GPR176: variants seen among roughly 807,000 people sequenced by gnomAD.
The protein encoded by GPR176 is G protein-coupled receptor 176.
Under a neutral mutation model 35.4 loss-of-function variants are expected in GPR176, and 26 were observed. The observed-to-expected ratio is 0.74, with a 90% CI of 0.54 to 1.02. The LOEUF is 1.02. Among genes scored for constraint, GPR176 ranks in the 50% least tolerant of loss-of-function variants. The pLI is 0.00. For synonymous variants in GPR176, 278 were observed against 271.3 expected, an observed-to-expected ratio of 1.02 and a Z score of -0.24; for missense variants, 597 against 665.3, an observed-to-expected ratio of 0.90 and a Z score of 1.13.
At chr15:39,853,937 T>C (rs1193721150) in intron 1 of GPR176, among the ~76,000 whole-genome samples, 1 of 152,102 alleles carries the variant, frequency 6.6e-6, no homozygotes, top group Admixed American at 6.5e-5. Context: ...ATCATAATTA[T>C]TATTATTATT....
intron 1 of GPR176, chr15:39,862,555 T>C (rs2140829328): frequency 6.6e-6 from 1 of 152,316 alleles, no homozygotes; most frequent in South Asian, 2.1e-4. Flanking sequence ...TTTTGGTCAA[T>C]GACAGACTGA....
chr15:39,836,890 T>C (rs1473995036), intron 1 of GPR176, among the ~76,000 whole-genome samples: 1 of 152,160 alleles, frequency 6.6e-6, no homozygotes, highest in Non-Finnish European at 1.5e-5. Flanking sequence ...CAAATAACAA[T>C]AATGCAGTGT....
chr15:39,878,082 C>T (rs2032320268), intron 1 of GPR176, among the ~76,000 whole-genome samples: 1 of 128,028 alleles, frequency 7.8e-6, no homozygotes, highest in Admixed American at 7.7e-5. Flanking sequence ...ATATCCATCA[C>T]CTCCCATAGT....
At chr15:39,852,646 T>C (rs984079394) in intron 1 of GPR176, among the ~76,000 whole-genome samples, 1 of 152,184 alleles carries the variant, frequency 6.6e-6, no homozygotes, top group Non-Finnish European at 1.5e-5. Flanking sequence ...TAACCAGCTA[T>C]GCCACAAGTA....
intron 1 of GPR176, among the ~76,000 whole-genome samples, chr15:39,906,776 C>T (rs1051364174): frequency 1.3e-5 from 2 of 152,122 alleles, no homozygotes; most frequent in African/African-American, 4.8e-5. Flanking sequence ...TTCACAAGGC[C>T]CCTAAGTCTC....
chr15:39,801,869 T>G lies in GPR176; in HGVS notation c.811A>C (p.Met271Leu), dbSNP rs758251416. 6.2e-7 allele frequency: 1 copy of G among 1,614,022 alleles called. No homozygotes were observed. The highest frequency in any genetic ancestry group is 8.5e-7 in the Non-Finnish European group (1 of 1,179,980). Residue 271 changes from methionine to leucine, a missense_variant, in exon 3 of 3, where the codon ATG (methionine) becomes CTG (leucine). Met to Leu is a conservative substitution (Grantham distance 15). Coordinates refer to ENST00000561100, the MANE Select transcript of GPR176 (RefSeq NM_007223.3). ...CTACACAAGATGAAGACCATCACCATGGAGAGCAGGGTGGCGTGCAGCTCG... is the reference window on the plus strand; with the variant it reads ...CTACACAAGATGAAGACCATCACCAGGGAGAGCAGGGTGGCGTGCAGCTCG... ...EAELHATLLS[M>L]VMVFILCSVP...
chr15:39,811,065 C>T (rs556514766), intron 1 of GPR176, among the ~76,000 whole-genome samples: 107 of 152,242 alleles, frequency 7.0e-4, no homozygotes, highest in African/African-American at 2.4e-3. Flanking sequence ...GACTTTTAAC[C>T]TAACTATGCA....
intron 1 of GPR176, among the ~76,000 whole-genome samples, chr15:39,859,498 A>AC (rs56992491): frequency 1.2e-4 from 18 of 151,574 alleles, no homozygotes; most frequent in African/African-American, 4.4e-4. Flanking sequence ...TGTGAAAAAA[A>AC]AAAAAACAAA....
intron 1 of GPR176, among the ~76,000 whole-genome samples, chr15:39,916,140 G>A (rs187150558): frequency 6.6e-6 from 1 of 152,192 alleles, no homozygotes; most frequent in Admixed American, 6.5e-5. Context: ...GTGAATCTAA[G>A]GAGAAGGGGA....
chr15:39,852,948 T>C (rs765459533), intron 1 of GPR176, among the ~76,000 whole-genome samples: 2 of 152,160 alleles, frequency 1.3e-5, no homozygotes, highest in Non-Finnish European at 2.9e-5. Flanking sequence ...AAATTGGAAC[T>C]CTTGTACACT....
intron 1 of GPR176, among the ~76,000 whole-genome samples, chr15:39,821,314 C>T (rs549297885): frequency 1.3e-5 from 2 of 152,272 alleles, no homozygotes; most frequent in South Asian, 2.1e-4. Flanking sequence ...TGGGAAAGAT[C>T]GATTTTCTAC....
At chr15:39,839,954 A>G (rs1415616670) in intron 1 of GPR176, among the ~76,000 whole-genome samples, 1 of 152,256 alleles carries the variant, frequency 6.6e-6, no homozygotes, top group Non-Finnish European at 1.5e-5. Flanking sequence ...TCCAGTTAGA[A>G]TGGCGATCAT....
intron 1 of GPR176, among the ~76,000 whole-genome samples, chr15:39,855,210 A>G (rs1055649215): frequency 6.6e-6 from 1 of 152,198 alleles, no homozygotes; most frequent in South Asian, 2.1e-4. Flanking sequence ...TATTTTCTCC[A>G]TGTATTACAA....
At chr15:39,900,174 T>C (rs1335624265) in intron 1 of GPR176, among the ~76,000 whole-genome samples, 3 of 150,558 alleles carry the variant, frequency 2.0e-5, no homozygotes, top group African/African-American at 4.9e-5. Context: ...ATTTAAATGA[T>C]GAAGATAAAG....
intron 1 of GPR176, among the ~76,000 whole-genome samples, chr15:39,863,288 A>T (rs2031686770): frequency 6.6e-6 from 1 of 151,660 alleles, no homozygotes; most frequent in South Asian, 2.1e-4. Context: ...TCACCGTGTT[A>T]GCCAGGATAG....
In GPR176 at chr15:39,870,682, C is replaced by A. The variant is rs536031476; in HGVS notation, c.172+49173G>T. On this transcript the variant is annotated intron_variant, in intron 1 of 2. Transcript: ENST00000561100. The stretch of plus-strand genomic sequence containing the variant: ...TCCCCTTGAATGTGGGTGGGACCTG[C>A]GAGTATGATGGGATGCCACTCCCTT... Among the ~76,000 whole-genome samples the A allele has an allele frequency of 2.0e-5, 3 of 152,044 alleles. No individual in the cohort carries two copies. The South Asian group carries it at 6.2e-4, about 32-fold the overall frequency.
At chr15:39,822,664 A>G (rs541013458) in intron 1 of GPR176, among the ~76,000 whole-genome samples, 23 of 152,366 alleles carry the variant, frequency 1.5e-4, no homozygotes, top group African/African-American at 4.8e-4. Context: ...TAACTCTTCA[A>G]AGTAAATCTC....
In GPR176 at chr15:39,800,188, C is replaced by T. The variant is rs930997337; in HGVS notation, c.*944G>A. 6 of 152,108 alleles carry T rather than the reference C, an allele frequency of 3.9e-5. No individual in the cohort carries two copies. Among genetic ancestry groups the T allele is most frequent in the Non-Finnish European group, 8.8e-5 (6 of 68,030 alleles). The allele number at this position is 152,108 out of a possible 1,614,324, so 9.4% of individuals were successfully genotyped here. ...CCATTTTAAAAATACCTTTTAATTCCTAAAGTTTGCATAAGATGATTTTTT... is the reference window on the plus strand; with the variant it reads ...CCATTTTAAAAATACCTTTTAATTCTTAAAGTTTGCATAAGATGATTTTTT... On this transcript the variant is annotated 3_prime_UTR_variant, in exon 3 of 3. Transcript: ENST00000561100.
intron 1 of GPR176, among the ~76,000 whole-genome samples, chr15:39,844,544 G>A (rs2030269625): frequency 6.6e-6 from 1 of 151,752 alleles, no homozygotes; most frequent in South Asian, 2.1e-4. Context: ...AATCTGTTCC[G>A]AGGACCTAAT....
Sources: gnomAD v4.1 joint callset for allele counts (sites outside exome capture counted in the v4.1 genomes callset) on GRCh38, gnomAD v4.1.1 for gene constraint, MANE v1.5 for transcripts, NCBI Gene and HGNC (gene_info 2026-07-23, HGNC 2026-07-21) for gene names.